Variants in PPP1R12A observed in about 807,000 individuals in gnomAD.
The protein encoded by PPP1R12A is myosin binding subunit.
PPP1R12A carries 19 observed loss-of-function variants against 139.6 expected under a neutral mutation model. The observed-to-expected ratio is 0.14, with a 90% CI of 0.09 to 0.20. The LOEUF is 0.20. Ranked by LOEUF, PPP1R12A falls within the 10% of genes least tolerant of loss-of-function variation. The probability of loss-of-function intolerance (pLI) is 1.00; values close to 1 mark genes in which losing one functional copy is unlikely to be tolerated. For missense variants in PPP1R12A, 925 were observed against 1,211.5 expected, an observed-to-expected ratio of 0.76 and a Z score of 3.51; for synonymous variants, 427 against 420.6, an observed-to-expected ratio of 1.02 and a Z score of -0.19.
At chr12:79,783,702 T>C (rs1046580602) in intron 22 of PPP1R12A, among the ~76,000 whole-genome samples, 7 of 152,052 alleles carry the variant, frequency 4.6e-5, no homozygotes, top group Admixed American at 4.6e-4. Context: ...CACATGTAAA[T>C]TAACAAAACA....
At chr12:79,826,348 T>G (rs181335814) in intron 5 of PPP1R12A, among the ~76,000 whole-genome samples, 8 of 147,670 alleles carry the variant, frequency 5.4e-5, no homozygotes, top group Non-Finnish European at 1.2e-4. Context: ...TTTTTTTTTT[T>G]TTTTTTTTTT....
chr12:79,873,447 C>A (rs1279117401), intron 1 of PPP1R12A, among the ~76,000 whole-genome samples: 1 of 151,682 alleles, frequency 6.6e-6, no homozygotes, highest in Non-Finnish European at 1.5e-5. Flanking sequence ...GCCAAAAAAA[C>A]CCCACCTCTA....
At chr12:79,893,911 T>C (rs1884894115) in intron 1 of PPP1R12A, among the ~76,000 whole-genome samples, 1 of 152,166 alleles carries the variant, frequency 6.6e-6, no homozygotes, top group African/African-American at 2.4e-5. Context: ...TAAGTTATCC[T>C]AGCATCCCTT....
intron 2 of PPP1R12A, among the ~76,000 whole-genome samples, chr12:79,855,468 T>C (rs1015219187): frequency 6.6e-6 from 1 of 152,184 alleles, no homozygotes; most frequent in African/African-American, 2.4e-5. Context: ...ATGGTACAAA[T>C]TTATTTTCCT....
intron 3 of PPP1R12A, among the ~76,000 whole-genome samples, chr12:79,834,173 G>A (rs1250586392): frequency 6.6e-6 from 1 of 152,150 alleles, no homozygotes; most frequent in African/African-American, 2.4e-5. Flanking sequence ...AATGAGAAGG[G>A]ATGTTATTTT....
Position 79,872,920 on chromosome 12 carries a change from C to T in PPP1R12A, c.256G>A (p.Val86Ile). 1 of 1,613,016 alleles carries T rather than the reference C, an allele frequency of 6.2e-7. No homozygotes were observed. Among genetic ancestry groups the T allele is most frequent in the African/African-American group, 1.3e-5 (1 of 75,014 alleles). Residue 86 changes from valine (V) to isoleucine (I), a missense_variant, in exon 2 of 25, where the codon GTT becomes ATT. Physicochemically the swap from Val to Ile is conservative, Grantham distance 29. This residue lies in a region of PPP1R12A where 199 missense variants were observed against 352.4 expected (regional missense o/e 0.56). Coordinates refer to ENST00000450142, the MANE Select transcript of PPP1R12A (RefSeq NM_002480.3). ...ALHQACIDDN[V>I]DMVKFLVENG... The stretch of plus-strand genomic sequence containing the variant: ...TCTACCAGAAACTTCACCATATCAA[C>T]ATTGTCATCAATGCAAGCCTAAAAA...
At chr12:79,785,225 T>G (rs1028104485) in intron 22 of PPP1R12A, among the ~76,000 whole-genome samples, 3 of 152,226 alleles carry the variant, frequency 2.0e-5, no homozygotes, top group Admixed American at 2.0e-4. Flanking sequence ...AACCTATTCT[T>G]GTTCTGTTTT....
At chr12:79,819,044 A>G (rs932520679) in intron 8 of PPP1R12A, 1 of 152,218 alleles carries the variant, frequency 6.6e-6, no homozygotes, top group Non-Finnish European at 1.5e-5. Context: ...GACAGAGTCA[A>G]ATTTTCCTGG....
chr12:79,872,790 AAC>A lies in PPP1R12A; in HGVS notation c.368+16_368+17del. 3.1e-6 allele frequency: 5 copies of A among 1,611,706 alleles called. No individual in the cohort carries two copies. In the South Asian group the frequency reaches 5.5e-5, roughly 18 times the overall value. Reference sequence around the variant, plus strand: ...TCAAACAGTATTAGAATAAAATGAAAACACAGAACTGGCTTACTCTGCAATAT... The same window carrying A: ...TCAAACAGTATTAGAATAAAATGAAAACAGAACTGGCTTACTCTGCAATAT... On this transcript the variant is annotated intron_variant, in intron 2 of 24. Coordinates refer to ENST00000450142, the MANE Select transcript of PPP1R12A (RefSeq NM_002480.3).
At position 79,842,331 on chromosome 12, in the gene PPP1R12A, G is replaced by A. The variant is rs550643780; in HGVS notation, c.487+2971C>T. 3.2e-4 allele frequency among the ~76,000 whole-genome samples: 49 copies of A among 152,090 alleles called. No individual in the cohort carries two copies. The East Asian group carries it at 5.8e-3, about 18-fold the overall frequency. ...AACGAAAACAAAACAAAACAAACCC[G>A]CAGTCATTAGGAATTTTCCTAATCC... On this transcript the variant is annotated intron_variant, in intron 3 of 24. Coordinates refer to ENST00000450142, the MANE Select transcript of PPP1R12A (RefSeq NM_002480.3).
upstream of PPP1R12A, chr12:79,935,142 A>C: frequency 3.0e-6 from 4 of 1,335,582 alleles, no homozygotes; most frequent in Non-Finnish European, 3.8e-6. Context: ...CTACCACAGA[A>C]GCCCTCCCGC....
intron 18 of PPP1R12A, 86 bp from the exon 19 acceptor site, chr12:79,794,014 T>A (rs1339310731): frequency 1.1e-6 from 1 of 948,838 alleles, no homozygotes; most frequent in African/African-American, 1.7e-5. Flanking sequence ...TGGGAGTCCT[T>A]CTCTCTCAGA....
chr12:79,833,096 C>T lies in PPP1R12A; in HGVS notation c.488-605G>A, dbSNP rs533169882. 2.0e-5 allele frequency among the ~76,000 whole-genome samples: 3 copies of T among 152,134 alleles called. No individual in the cohort carries two copies. In the South Asian group the frequency reaches 6.2e-4, roughly 32 times the overall value. Reference sequence around the variant, plus strand: ...AAAAGCACTTACTCTAAGCACTACCCTAGGTTGAGGTGATAAAAGTGGAAA... The same window carrying T: ...AAAAGCACTTACTCTAAGCACTACCTTAGGTTGAGGTGATAAAAGTGGAAA... On this transcript the variant is annotated intron_variant, in intron 3 of 24. Coordinates refer to ENST00000450142, the MANE Select transcript of PPP1R12A (RefSeq NM_002480.3).
chr12:79,817,414 G>C lies in PPP1R12A; in HGVS notation c.1219C>G (p.Pro407Ala). The change falls in exon 9 of 25, where the codon CCT becomes GCT. Residue 407 changes from proline (P) to alanine (A), a missense_variant. Coordinates refer to ENST00000450142, the MANE Select transcript of PPP1R12A (RefSeq NM_002480.3). ...CTTACCTTTTTAATAGGTGATGTAG[G>C]TGTTGCTTGACCTGATGACACAGTA... Reference protein sequence around the residue: ...TPTVSSGQATPTSPIKKFPTT... With the variant: ...TPTVSSGQATATSPIKKFPTT... 1 of 1,611,968 alleles carries C rather than the reference G, an allele frequency of 6.2e-7. No homozygotes were observed. Among genetic ancestry groups the C allele is most frequent in the Non-Finnish European group, 8.5e-7 (1 of 1,178,788 alleles).
chr12:79,778,715 G>T, intron 23 of PPP1R12A, 115 bp from the exon 24 acceptor site: 1 of 622,742 alleles, frequency 1.6e-6, no homozygotes, highest in East Asian at 3.0e-5. Flanking sequence ...GAGCAGTGTA[G>T]AAAAGATGTG....
chr12:79,871,917 T>C (rs1009638299), intron 2 of PPP1R12A, among the ~76,000 whole-genome samples: 21 of 152,296 alleles, frequency 1.4e-4, no homozygotes, highest in African/African-American at 5.1e-4. Flanking sequence ...AAACAAATTA[T>C]GGAAAGATGT....
At chr12:79,898,351 G>C (rs1463311105) in intron 1 of PPP1R12A, among the ~76,000 whole-genome samples, 2 of 152,176 alleles carry the variant, frequency 1.3e-5, no homozygotes, top group African/African-American at 2.4e-5. Context: ...AGCTACTTGG[G>C]AGGCTGAGGC....
intron 9 of PPP1R12A, among the ~76,000 whole-genome samples, chr12:79,813,572 A>C (rs1259546055): frequency 1.3e-5 from 2 of 152,176 alleles, no homozygotes; most frequent in Non-Finnish European, 2.9e-5. Flanking sequence ...TTTTATTGGA[A>C]TGTACACCCA....
At chr12:79,796,273 AAAT>A (rs1872502373) in intron 17 of PPP1R12A, among the ~76,000 whole-genome samples, 1 of 152,142 alleles carries the variant, frequency 6.6e-6, no homozygotes, top group Admixed American at 6.6e-5. Flanking sequence ...AGTTTATATA[AAAT>A]AATAGGAAAT....
Sources: allele counts gnomAD v4.1 joint callset (sites outside exome capture counted in the v4.1 genomes callset), GRCh38; gene constraint gnomAD v4.1.1; regional missense constraint gnomAD v4.1.1; transcripts MANE v1.5; gene names NCBI Gene and HGNC (gene_info 2026-07-23, HGNC 2026-07-21).